PEBP4: variants seen among roughly 807,000 people sequenced by gnomAD.
The protein encoded by PEBP4 is phosphatidylethanolamine binding protein 4.
Under a neutral mutation model 23.9 loss-of-function variants are expected in PEBP4, and 22 were observed. The ratio of observed to expected loss-of-function variants is 0.92; its 90% CI spans 0.66 to 1.31. The LOEUF (loss-of-function observed/expected upper bound fraction) is 1.31, where lower values mean the gene tolerates loss of function less well. Among genes scored for constraint, PEBP4 ranks in the 40% most tolerant of loss-of-function variants. PEBP4 has a pLI of 0.00. For synonymous variants in PEBP4, 112 were observed against 99.3 expected (o/e 1.13, Z -0.76); for missense variants, 324 against 281.7 (o/e 1.15, Z -1.07).
chr8:22,888,111 T>C (rs1343761343), intron 3 of PEBP4: 1 of 151,870 alleles, frequency 6.6e-6, no homozygotes, highest in African/African-American at 2.4e-5. Context: ...CATAACTTAT[T>C]GGATGCAGGG....
chr8:22,826,746 G>T (rs191471380), intron 3 of PEBP4, among the ~76,000 whole-genome samples: 1 of 152,212 alleles, frequency 6.6e-6, no homozygotes, highest in Admixed American at 6.5e-5. Context: ...AACTCTGGAA[G>T]GGTGCTTAAA....
At chr8:22,873,937 C>T (rs1473185278) in intron 3 of PEBP4, among the ~76,000 whole-genome samples, 1 of 152,114 alleles carries the variant, frequency 6.6e-6, no homozygotes, top group African/African-American at 2.4e-5. Context: ...CTCTAGCTTC[C>T]CTCAGCTGGC....
intron 4 of PEBP4, among the ~76,000 whole-genome samples, chr8:22,814,514 G>A (rs185319996): frequency 5.6e-4 from 86 of 152,282 alleles, no homozygotes; most frequent in African/African-American, 1.8e-3. Flanking sequence ...CTAAAAACTC[G>A]TTGCTGTCCT....
At chr8:22,741,326 C>A (rs980667438) in intron 4 of PEBP4, among the ~76,000 whole-genome samples, 1 of 152,186 alleles carries the variant, frequency 6.6e-6, no homozygotes, top group Non-Finnish European at 1.5e-5. Context: ...TTTGTCTGAG[C>A]CAACGGAAGA....
intron 2 of PEBP4, among the ~76,000 whole-genome samples, chr8:22,922,577 C>A (rs1392454322): frequency 3.2e-5 from 3 of 93,988 alleles, no homozygotes; most frequent in Admixed American, 9.5e-5. Flanking sequence ...ATTAAAAAAA[C>A]AAACAAACAA....
chr8:22,872,923 C>A (rs540603541), intron 3 of PEBP4, among the ~76,000 whole-genome samples: 1 of 152,076 alleles, frequency 6.6e-6, no homozygotes, highest in Non-Finnish European at 1.5e-5. Flanking sequence ...GTGATCCGCC[C>A]GCCTCGGCCT....
At chr8:22,777,751 G>A (rs1034008859) in intron 4 of PEBP4, among the ~76,000 whole-genome samples, 106 of 152,140 alleles carry the variant, frequency 7.0e-4, no homozygotes, top group African/African-American at 2.1e-3. Flanking sequence ...GAGAGAATCC[G>A]ACCATGAGGT....
chr8:22,837,138 A>G (rs1432879715), intron 3 of PEBP4, among the ~76,000 whole-genome samples: 1 of 152,178 alleles, frequency 6.6e-6, no homozygotes, highest in Non-Finnish European at 1.5e-5. Flanking sequence ...AGTCTCTAGA[A>G]TCTATCCTCA....
chr8:22,888,691 C>A (rs181203346), intron 3 of PEBP4, among the ~76,000 whole-genome samples: 1 of 152,338 alleles, frequency 6.6e-6, no homozygotes, highest in East Asian at 1.9e-4. Context: ...TATTCCTGTG[C>A]CCAGAAACCT....
intron 1 of PEBP4, among the ~76,000 whole-genome samples, chr8:22,937,404 T>C (rs1809554798): frequency 6.6e-6 from 1 of 152,160 alleles, no homozygotes; most frequent in Middle Eastern, 3.2e-3. Flanking sequence ...ACTTGCACAC[T>C]GAAACTACAA....
intron 4 of PEBP4, among the ~76,000 whole-genome samples, chr8:22,762,173 A>C (rs1805522744): frequency 6.6e-6 from 1 of 152,180 alleles, no homozygotes; most frequent in Non-Finnish European, 1.5e-5. Flanking sequence ...AAGAAATCGC[A>C]TGTGTTCTGG....
At chr8:22,763,828 C>T (rs187370285) in intron 4 of PEBP4, among the ~76,000 whole-genome samples, 181 of 152,276 alleles carry the variant, frequency 1.2e-3, no homozygotes, top group Middle Eastern at 3.4e-3. Flanking sequence ...AATTTTTCTC[C>T]TACATGACTG....
chr8:22,893,782 C>A (rs1808542040), intron 3 of PEBP4, among the ~76,000 whole-genome samples: 2 of 151,806 alleles, frequency 1.3e-5, no homozygotes, highest in African/African-American at 4.8e-5. Context: ...GAAAAAAACC[C>A]ACCAGAATAG....
chr8:22,910,317 C>G (rs1808912672), intron 3 of PEBP4, among the ~76,000 whole-genome samples: 1 of 152,202 alleles, frequency 6.6e-6, no homozygotes, highest in African/African-American at 2.4e-5. Flanking sequence ...AGCAAGAGAC[C>G]AAGCCCCCAA....
At chr8:22,881,260 G>C (rs950223812) in intron 3 of PEBP4, among the ~76,000 whole-genome samples, 14 of 152,320 alleles carry the variant, frequency 9.2e-5, no homozygotes, top group Non-Finnish European at 1.6e-4. Flanking sequence ...AAGGGCGGTA[G>C]TTGCTCATTT....
chr8:22,842,116 A>G (rs1165970424), intron 3 of PEBP4, among the ~76,000 whole-genome samples: 1 of 152,264 alleles, frequency 6.6e-6, no homozygotes, highest in East Asian at 1.9e-4. Flanking sequence ...ACACTTGAAA[A>G]GGAAGCAGTT....
chr8:22,769,469 A>G (rs1047036752), intron 4 of PEBP4, among the ~76,000 whole-genome samples: 1 of 152,122 alleles, frequency 6.6e-6, no homozygotes, highest in African/African-American at 2.4e-5. Flanking sequence ...CTGCCCCACA[A>G]CCTGGTGAAT....
intron 3 of PEBP4, among the ~76,000 whole-genome samples, chr8:22,894,239 T>A (rs932421330): frequency 6.6e-6 from 1 of 151,750 alleles, no homozygotes; most frequent in Non-Finnish European, 1.5e-5. Context: ...CTGCCAGAAG[T>A]GGGAAAAGTA....
chr8:22,793,336 G>C (rs1465193383), intron 4 of PEBP4, among the ~76,000 whole-genome samples: 1 of 151,918 alleles, frequency 6.6e-6, no homozygotes, highest in Non-Finnish European at 1.5e-5. Flanking sequence ...GCATGATCTT[G>C]GCTCACTGCA....
Sources: gnomAD v4.1 joint callset for allele counts (sites outside exome capture counted in the v4.1 genomes callset) on GRCh38, gnomAD v4.1.1 for gene constraint, MANE v1.5 for transcripts, NCBI Gene and HGNC (gene_info 2026-07-23, HGNC 2026-07-21) for gene names.